PDE10A: variants seen among roughly 807,000 people sequenced by gnomAD.
PDE10A encodes the protein cAMP and cAMP-inhibited cGMP 3',5'-cyclic phosphodiesterase 10A.
PDE10A carries 39 observed loss-of-function variants against 97.7 expected under a neutral mutation model. That is an observed-to-expected ratio of 0.40 (90% CI 0.31 to 0.52). The LOEUF (loss-of-function observed/expected upper bound fraction) is 0.52, where lower values mean the gene tolerates loss of function less well. PDE10A is among the 20% of genes least tolerant of loss of function. The probability of loss-of-function intolerance (pLI) is 0.56; values close to 1 mark genes in which losing one functional copy is unlikely to be tolerated. For missense variants in PDE10A, 731 were observed against 1,047.8 expected, an observed-to-expected ratio of 0.70 and a Z score of 4.17; for synonymous variants, 371 against 376.8, an observed-to-expected ratio of 0.98 and a Z score of 0.18.
chr6:165,634,881 A>G (rs1176988834), intron 1 of PDE10A, among the ~76,000 whole-genome samples: 1 of 152,130 alleles, frequency 6.6e-6, no homozygotes, highest in Admixed American at 6.5e-5. Flanking sequence ...CCCAGAACCC[A>G]TGCTTCACAC....
chr6:165,368,920 C>G (rs554931797), intron 18 of PDE10A, among the ~76,000 whole-genome samples: 1 of 152,080 alleles, frequency 6.6e-6, no homozygotes, highest in Admixed American at 6.5e-5. Flanking sequence ...TCGCGGTTCA[C>G]GAAAATCCAC....
intron 18 of PDE10A, among the ~76,000 whole-genome samples, chr6:165,353,683 T>C (rs186714029): frequency 1.1e-3 from 163 of 152,204 alleles, no homozygotes; most frequent in African/African-American, 3.6e-3. Flanking sequence ...GAAAAGGCAA[T>C]GGTATGAGGA....
chr6:165,375,028 G>T (rs1373346354), intron 18 of PDE10A, among the ~76,000 whole-genome samples: 1 of 152,070 alleles, frequency 6.6e-6, no homozygotes, highest in Non-Finnish European at 1.5e-5. Flanking sequence ...TGTGTATTCA[G>T]ACTGCTCCAC....
At chr6:165,613,281 G>A (rs948747876) in intron 1 of PDE10A, among the ~76,000 whole-genome samples, 8 of 152,064 alleles carry the variant, frequency 5.3e-5, no homozygotes, top group Non-Finnish European at 7.4e-5. Context: ...CCAAATACTT[G>A]ATGATAATCA....
At chr6:165,509,212 C>G (rs750960116) in intron 2 of PDE10A, among the ~76,000 whole-genome samples, 2 of 151,828 alleles carry the variant, frequency 1.3e-5, no homozygotes, top group African/African-American at 4.8e-5. Context: ...GTGTCATGAT[C>G]GAGTCAGGGT....
chr6:165,747,174 T>G (rs1463963797), intron 1 of PDE10A, among the ~76,000 whole-genome samples: 1 of 152,226 alleles, frequency 6.6e-6, no homozygotes, highest in Non-Finnish European at 1.5e-5. Flanking sequence ...ACATATTTCC[T>G]TATCATCTTT....
rs1178415141 is a variant in PDE10A at position 165,937,869 on chromosome 6, G to T, written c.-615+49660C>A. On this transcript the variant is annotated intron_variant, in intron 1 of 19. Coordinates refer to the PDE10A transcript ENST00000366882. ...AATAAATGCTAACCAAACTAGTCTT[G>T]TTCATTTCAGAGATTCTTACCTGTC... 2.0e-5 allele frequency among the ~76,000 whole-genome samples: 3 copies of T among 152,082 alleles called. No homozygotes were observed. In the East Asian group the frequency reaches 5.8e-4, roughly 29 times the overall value.
upstream of PDE10A, among the ~76,000 whole-genome samples, chr6:165,663,566 T>G (rs1453797906): frequency 2.0e-5 from 3 of 152,236 alleles, no homozygotes; most frequent in East Asian, 1.9e-4. Context: ...CCGACCCAGC[T>G]GTGCTCAGTC....
chr6:165,912,594 G>A (rs1436103150), intron 1 of PDE10A, among the ~76,000 whole-genome samples: 1 of 152,224 alleles, frequency 6.6e-6, no homozygotes, highest in Admixed American at 6.5e-5. Context: ...GCTGTCTAGT[G>A]TCACAAGTCG....
intron 1 of PDE10A, among the ~76,000 whole-genome samples, chr6:165,729,074 T>C (rs1391555630): frequency 6.6e-6 from 1 of 152,042 alleles, no homozygotes; most frequent in Non-Finnish European, 1.5e-5. Flanking sequence ...TGGTGACATA[T>C]TCCTGTGGTC....
In PDE10A at chr6:165,338,069, C is replaced by T. The variant is rs571521257; in HGVS notation, c.2976+1209G>A. Among the ~76,000 whole-genome samples the T allele has an allele frequency of 3.9e-5, 6 of 152,154 alleles. No individual in the cohort carries two copies. In the South Asian group the frequency reaches 6.2e-4, roughly 16 times the overall value. On this transcript the variant is annotated intron_variant, in intron 20 of 21. Coordinates refer to ENST00000539869, the MANE Select transcript of PDE10A (RefSeq NM_001385079.1). ...AAATTCCATGAACAGTGGTAAAATG[C>T]GACAAAAACTTCAAAATACACCTGC...
chr6:165,619,879 A>G (rs1441793689), intron 1 of PDE10A, among the ~76,000 whole-genome samples: 1 of 152,080 alleles, frequency 6.6e-6, no homozygotes, highest in Admixed American at 6.5e-5. Context: ...ACTTGCTGCC[A>G]TTTATAATGG....
At position 165,392,521 on chromosome 6, in the gene PDE10A, GATTT is replaced by G. The variant is rs149109864; in HGVS notation, c.2454+121_2454+124del. The G allele has an allele frequency of 6.0e-4, 483 of 811,000 alleles. 3 individuals carry two copies. The African/African-American group carries it at 7.0e-3, about 12-fold the overall frequency. The allele number at this position is 811,000 out of a possible 1,614,324, so 50.2% of individuals were successfully genotyped here. Reference sequence around the variant, plus strand: ...AAGAGTCTAAAAATGGGCTACTATTGATTTATTAAGCCAAAATTTGTCTTGGAAT... The same window carrying G: ...AAGAGTCTAAAAATGGGCTACTATTGATTAAGCCAAAATTTGTCTTGGAAT... On this transcript the variant is annotated intron_variant, in intron 16 of 21. Transcript: ENST00000539869.
At chr6:165,367,955 T>C (rs1049780866) in intron 18 of PDE10A, among the ~76,000 whole-genome samples, 2 of 152,100 alleles carry the variant, frequency 1.3e-5, no homozygotes, top group Non-Finnish European at 2.9e-5. Context: ...ACAGAGGAAA[T>C]GGTATACATG....
At chr6:165,494,859 C>T (rs961223382) in intron 2 of PDE10A, among the ~76,000 whole-genome samples, 2 of 152,184 alleles carry the variant, frequency 1.3e-5, no homozygotes, top group Admixed American at 1.3e-4. Flanking sequence ...TTGTGACTGA[C>T]TTCACTGCAC....
chr6:165,633,808 C>T (rs1276457264), intron 1 of PDE10A, among the ~76,000 whole-genome samples: 25 of 119,546 alleles, frequency 2.1e-4, no homozygotes, highest in Admixed American at 6.8e-4. Context: ...TTTTTTTTTT[C>T]GTATTTTTAT....
intron 2 of PDE10A, among the ~76,000 whole-genome samples, chr6:165,540,580 C>T (rs1783372092): frequency 6.6e-6 from 1 of 152,120 alleles, no homozygotes; most frequent in African/African-American, 2.4e-5. Flanking sequence ...TTTTCTTCCT[C>T]AAAAAGTTTT....
At chr6:165,969,742 C>A (rs774189526) in intron 1 of PDE10A, among the ~76,000 whole-genome samples, 1 of 152,046 alleles carries the variant, frequency 6.6e-6, no homozygotes, top group Admixed American at 6.5e-5. Context: ...CAGAAGCCAC[C>A]CTGAAGGAGC....
At chr6:165,362,187 CA>C in intron 18 of PDE10A, among the ~76,000 whole-genome samples, 1 of 151,756 alleles carries the variant, frequency 6.6e-6, no homozygotes, top group South Asian at 2.1e-4. Context: ...ATAAAGATTA[CA>C]AAAGAAATAC....
Sources: gnomAD v4.1 joint callset for allele counts (sites outside exome capture counted in the v4.1 genomes callset) on GRCh38, gnomAD v4.1.1 for gene constraint, MANE v1.5 for transcripts, NCBI Gene and HGNC (gene_info 2026-07-23, HGNC 2026-07-21) for gene names.